Variants in ASAP3 observed in about 807,000 individuals in gnomAD.
The protein encoded by ASAP3 is ArfGAP with SH3 domain, ankyrin repeat and PH domain 3, also known as arf-GAP with SH3 domain, ANK repeat and PH domain-containing protein 3.
ASAP3 carries 85 observed loss-of-function variants against 118.2 expected under a neutral mutation model. That is an observed-to-expected ratio of 0.72 (90% CI 0.60 to 0.86). The LOEUF (loss-of-function observed/expected upper bound fraction) is 0.86. ASAP3 is among the 40% of genes least tolerant of loss of function. ASAP3 has a pLI of 0.00. For missense variants in ASAP3, 1,026 were observed against 1,175.0 expected (o/e 0.87, Z 1.85); for synonymous variants, 432 against 477.4 (o/e 0.90, Z 1.24).
chr1:23,451,502 T>C lies in ASAP3; in HGVS notation c.450A>G (p.Ala150=), dbSNP rs1318584536. 41 of 1,614,208 alleles carry C rather than the reference T, an allele frequency of 2.5e-5. No individual in the cohort carries two copies. Among genetic ancestry groups the C allele is most frequent in the Non-Finnish European group, 3.5e-5 (41 of 1,180,022 alleles). ...RQDSKKQLEK[A]WKDYEAKMAK... Reference sequence around the variant, plus strand: ...ACATTTTGGCTTCATAGTCCTTCCATGCCTTCTCCAGCTGTTTTTTGGAAT... The same window carrying C: ...ACATTTTGGCTTCATAGTCCTTCCACGCCTTCTCCAGCTGTTTTTTGGAAT... Residue 150 remains alanine, a synonymous_variant, in exon 5 of 25, where the codon GCA becomes GCG. Coordinates refer to ENST00000336689, the MANE Select transcript of ASAP3 (RefSeq NM_017707.4).
chr1:23,430,145 G>A (rs1318379975), intron 24 of ASAP3, among the ~76,000 whole-genome samples: 1 of 152,152 alleles, frequency 6.6e-6, no homozygotes, highest in Non-Finnish European at 1.5e-5. Flanking sequence ...ACAATCACAG[G>A]CATCAATTAA....
intron 24 of ASAP3, 98 bp from the exon 25 acceptor site, chr1:23,430,028 T>G: frequency 3.0e-6 from 3 of 1,005,926 alleles, no homozygotes; most frequent in Non-Finnish European, 4.4e-6. Flanking sequence ...GTAGATAAAT[T>G]AAATTATTCT....
At chr1:23,442,433 G>A (rs1640905415) in intron 6 of ASAP3, 68 bp downstream of exon 6, 1 of 1,598,210 alleles carries the variant, frequency 6.3e-7, no homozygotes, top group African/African-American at 1.3e-5. Context: ...GCTGTGACTG[G>A]TCCCCTGGAG....
At chr1:23,447,626 A>G (rs1375411544) in intron 5 of ASAP3, among the ~76,000 whole-genome samples, 3 of 152,202 alleles carry the variant, frequency 2.0e-5, no homozygotes, top group Admixed American at 2.0e-4. Context: ...CAAGCCCTCA[A>G]TGAATGGTAG....
intron 4 of ASAP3, 32 bp from the exon 5 acceptor site, chr1:23,451,560 G>A: frequency 6.2e-7 from 1 of 1,608,898 alleles, no homozygotes; most frequent in South Asian, 1.1e-5. Context: ...TTTGCCCAGA[G>A]GGAAGCTGGA....
chr1:23,478,990 T>C (rs915710811), intron 1 of ASAP3, among the ~76,000 whole-genome samples: 1 of 151,932 alleles, frequency 6.6e-6, no homozygotes, highest in African/African-American at 2.4e-5. Flanking sequence ...AAGCGCCCCC[T>C]CCCACACCAT....
At chr1:23,474,874 C>T (rs10917387) in intron 1 of ASAP3, among the ~76,000 whole-genome samples, 5,649 of 152,284 alleles carry the variant, frequency 0.037, 144 homozygotes, top group Middle Eastern at 0.15. Context: ...TGGGCCACCG[C>T]GCCCAGCCCC....
chr1:23,462,708 G>GAGATC (rs1159245634), intron 1 of ASAP3, among the ~76,000 whole-genome samples: 3 of 152,106 alleles, frequency 2.0e-5, no homozygotes, highest in African/African-American at 7.2e-5. Context: ...GCAGTGAGCT[G>GAGATC]AGATCACGCC....
chr1:23,431,867 CTCTCAGGGG>C lies in ASAP3; in HGVS notation c.2366_2374del (p.Thr789_Glu791del), dbSNP rs1016038521. On this transcript the variant is annotated inframe_deletion, in exon 23 of 25. Transcript: ENST00000336689. ...GGAGGAGGAGGCTGGACTGCCCAGGCTCTCAGGGGTCTCAGGGGCCTCTGAACTCAGGCT... is the reference window on the plus strand; with the variant it reads ...GGAGGAGGAGGCTGGACTGCCCAGGCTCTCAGGGGCCTCTGAACTCAGGCT... The C allele has an allele frequency of 1.1e-4, 174 of 1,603,488 alleles. No individual in the cohort carries two copies. Among genetic ancestry groups the C allele is most frequent in the Non-Finnish European group, 1.4e-4 (169 of 1,177,020 alleles).
intron 1 of ASAP3, among the ~76,000 whole-genome samples, chr1:23,467,347 C>T (rs983499447): frequency 3.3e-5 from 5 of 152,056 alleles, no homozygotes; most frequent in African/African-American, 1.2e-4. Flanking sequence ...GGACTACAGG[C>T]GTGAGCCACC....
At position 23,455,862 on chromosome 1, in the gene ASAP3, G is replaced by A. The variant is rs1260362715; in HGVS notation, c.348+19C>T. ...TAGATTTACCCTGAGTCTGGGCAAGGAAGAGACAGGGGCCTCACCAGGTTC... is the reference window on the plus strand; with the variant it reads ...TAGATTTACCCTGAGTCTGGGCAAGAAAGAGACAGGGGCCTCACCAGGTTC... On this transcript the variant is annotated intron_variant, in intron 3 of 24. Coordinates refer to ENST00000336689, the MANE Select transcript of ASAP3 (RefSeq NM_017707.4). 1.2e-6 allele frequency: 2 copies of A among 1,613,866 alleles called. No individual in the cohort carries two copies. The highest frequency in any genetic ancestry group is 2.2e-5 in the South Asian group (2 of 91,040).
intron 1 of ASAP3, among the ~76,000 whole-genome samples, chr1:23,469,187 G>A (rs919155940): frequency 1.3e-5 from 2 of 151,974 alleles, no homozygotes; most frequent in African/African-American, 4.8e-5. Flanking sequence ...CACACCTGTA[G>A]TCCCAGCCAC....
At chr1:23,434,172 G>A in intron 19 of ASAP3, 82 bp downstream of exon 19, 1 of 1,396,596 alleles carries the variant, frequency 7.2e-7, no homozygotes, top group Non-Finnish European at 1.0e-6. Context: ...AGCAAGCCAG[G>A]ATTAGAGCCC....
rs1640684635 is a variant in ASAP3 at position 23,436,949 on chromosome 1, A to G, written c.1438T>C (p.Ser480Pro). ...ELGVRFSRMQ[S>P]LTLDLLGPSE... ...GGGCCCAGCAGGTCCAAGGTGAGTG[A>G]CTGCATGCGCGAAAAGCGCACGCCC... Residue 480 changes from serine to proline, a missense_variant, in exon 15 of 25, where the codon TCA becomes CCA. Ser to Pro is a moderately conservative substitution (Grantham distance 74). Coordinates refer to ENST00000336689, the MANE Select transcript of ASAP3 (RefSeq NM_017707.4). This position sits in a 1 kb window ranked among gnomAD's most constrained non-coding sequence, Gnocchi z 4.2. 3 of 1,612,118 alleles carry G rather than the reference A, an allele frequency of 1.9e-6. 1 individual carries two copies. The highest frequency in any genetic ancestry group is 2.5e-6 in the Non-Finnish European group (3 of 1,179,800).
chr1:23,476,551 G>A (rs1442911003), intron 1 of ASAP3, among the ~76,000 whole-genome samples: 2 of 152,172 alleles, frequency 1.3e-5, no homozygotes, highest in East Asian at 3.9e-4. Context: ...GTCCTCTCCT[G>A]GCCCTTCCAA....
rs767837059 is a variant in ASAP3 at position 23,433,149 on chromosome 1, AGT to A, written c.2249_2250del (p.Asp750ValfsTer28). ...GAATPQGESE[D>X]CPPPLPVKNS... ...TTTTTGACTGGCAAGGGCGGGGGAC[AGT>A]CCTCACTCTCGCCCTGAGGGGTGGC... On this transcript the variant is annotated frameshift_variant, in exon 22 of 25. Transcript: ENST00000336689. LOFTEE classifies it high-confidence loss of function. 4 of 1,614,168 alleles carry A rather than the reference AGT, an allele frequency of 2.5e-6. No individual in the cohort carries two copies. In the South Asian group the frequency reaches 4.4e-5, roughly 18 times the overall value.
chr1:23,468,209 G>A (rs1245848992), intron 1 of ASAP3, among the ~76,000 whole-genome samples: 3 of 152,102 alleles, frequency 2.0e-5, no homozygotes, highest in Non-Finnish European at 2.9e-5. Flanking sequence ...TCATTTCCAG[G>A]CAATGGACCC....
At chr1:23,470,855 G>T (rs1401041859) in intron 1 of ASAP3, among the ~76,000 whole-genome samples, 1 of 152,206 alleles carries the variant, frequency 6.6e-6, no homozygotes, top group Non-Finnish European at 1.5e-5. Flanking sequence ...GTATGCTGAG[G>T]CCTCTGCAAA....
chr1:23,471,899 G>A (rs1047056683), intron 1 of ASAP3, among the ~76,000 whole-genome samples: 17 of 152,328 alleles, frequency 1.1e-4, no homozygotes, highest in African/African-American at 4.1e-4. Flanking sequence ...ACTGCCTGGT[G>A]TGTTTGTTTT....
Sources: gnomAD v4.1 joint callset for allele counts (sites outside exome capture counted in the v4.1 genomes callset) on GRCh38, gnomAD v4.1.1 for gene constraint, Gnocchi (gnomAD v3.1) non-coding constraint, MANE v1.5 for transcripts, NCBI Gene and HGNC (gene_info 2026-07-23, HGNC 2026-07-21) for gene names.